The following CRHR1 variants were observed in gnomAD, a reference collection of about 807,000 sequenced individuals.
CRHR1 encodes the protein corticotropin-releasing hormone receptor 1.
CRHR1 carries 28 observed loss-of-function variants against 56.0 expected under a neutral mutation model. That is an observed-to-expected ratio of 0.50 (90% confidence interval 0.37 to 0.69). CRHR1 has a LOEUF of 0.69. CRHR1 is among the 30% of genes least tolerant of loss of function. CRHR1 has a pLI of 0.00. For synonymous variants in CRHR1, 195 were observed against 216.5 expected (o/e 0.90, Z 0.87); for missense variants, 376 against 548.0 (o/e 0.69, Z 3.13).
intron 1 of CRHR1, among the ~76,000 whole-genome samples, chr17:45,793,925 C>T (rs2061471495): frequency 6.6e-6 from 1 of 152,202 alleles, no homozygotes; most frequent in South Asian, 2.1e-4. Flanking sequence ...GGGGCCTGCT[C>T]CCACCAAAGG....
At chr17:45,816,322 C>A in intron 2 of CRHR1, 141 bp from the exon 3 acceptor site, 1 of 1,134,854 alleles carries the variant, frequency 8.8e-7, no homozygotes, top group Non-Finnish European at 1.2e-6. Flanking sequence ...CATTTCTGCA[C>A]TGGTCATTGT....
chr17:45,804,183 G>A (rs766295393), intron 1 of CRHR1, among the ~76,000 whole-genome samples: 30 of 152,166 alleles, frequency 2.0e-4, no homozygotes, highest in Non-Finnish European at 3.8e-4. Flanking sequence ...CATCACTCCT[G>A]AGTCCCAGGC....
rs775867466 is a variant in CRHR1, at chr17:45,833,229, G to GCAGGAGAC, written c.843+20_843+27dup. On this transcript the variant is annotated intron_variant, in intron 9 of 12. Transcript: ENST00000314537. ...CCTGCTGGTAAGAACCTGGGTAGGGGCAGGAGACAGGGCCCAGTGGGGAGG... is the reference window on the plus strand; with the variant it reads ...CCTGCTGGTAAGAACCTGGGTAGGGGCAGGAGACCAGGAGACAGGGCCCAGTGGGGAGG... 1.4e-5 allele frequency: 22 copies of GCAGGAGAC among 1,612,218 alleles called. No individual in the cohort carries two copies. The South Asian group carries it at 2.4e-4, about 18-fold the overall frequency.
In CRHR1 at chr17:45,800,847, G is replaced by C. The variant is rs534178157; in HGVS notation, c.34-6163G>C. 5 of 152,250 alleles carry C rather than the reference G, an allele frequency of 3.3e-5. No homozygotes were observed. The South Asian group carries it at 1.0e-3, about 32-fold the overall frequency. 9.4% of individuals were successfully genotyped at this position (152,250 alleles called of 1,614,324 possible). On this transcript the variant is annotated intron_variant, in intron 1 of 12. Transcript: ENST00000314537. ...TTCCCTGTTCCCCAGGAACTTGTAG[G>C]AACCAGGCCTGAGATGCCTCAGCTG... is the stretch of plus-strand genomic sequence containing the variant.
rs996977311 is a variant in CRHR1, at chr17:45,835,125, C to G, written c.*361C>G. The G allele has an allele frequency of 2.3e-5, 6 of 255,784 alleles. No individual in the cohort carries two copies. Among genetic ancestry groups the G allele is most frequent in the African/African-American group, 1.3e-4 (6 of 45,594 alleles). The allele number at this position is 255,784 out of a possible 1,614,324, so 15.8% of individuals were successfully genotyped here. A position where few individuals can be genotyped will look rare whatever the true frequency, so the allele number is the denominator to read the frequency against. ...GCACAAGAAGGCCAGCCCACTGGGC[C>G]CTGGGGCTGCCCTCGGCAACCGTGG... On this transcript the variant is annotated 3_prime_UTR_variant, in exon 13 of 13. Coordinates refer to ENST00000314537, the MANE Select transcript of CRHR1 (RefSeq NM_004382.5).
chr17:45,822,189 A>G (rs137990076), intron 4 of CRHR1, among the ~76,000 whole-genome samples: 2 of 152,266 alleles, frequency 1.3e-5, no homozygotes, highest in African/African-American at 4.8e-5. Context: ...ATATCAGTAC[A>G]TAAAGAGCAT....
At chr17:45,807,191 A>G (rs2061736539) in intron 2 of CRHR1, 94 bp downstream of exon 2, 1 of 1,165,790 alleles carries the variant, frequency 8.6e-7, no homozygotes, top group Non-Finnish European at 1.3e-6. Context: ...ACCATGCCCT[A>G]AGGCAGGATT....
chr17:45,829,061 C>G (rs2062231792), intron 4 of CRHR1, 154 bp from the exon 5 acceptor site: 1 of 636,618 alleles, frequency 1.6e-6, no homozygotes, highest in African/African-American at 1.8e-5. Flanking sequence ...CGGCGTTGCT[C>G]TGCAGCGAGG....
chr17:45,832,386 G>A (rs892168397), intron 8 of CRHR1, among the ~76,000 whole-genome samples: 2 of 152,218 alleles, frequency 1.3e-5, no homozygotes, highest in Non-Finnish European at 2.9e-5. Flanking sequence ...CCAGAGGCCC[G>A]AGGACTGGAC....
chr17:45,818,714 T>C (rs980440887), intron 3 of CRHR1, among the ~76,000 whole-genome samples: 1 of 152,122 alleles, frequency 6.6e-6, no homozygotes, highest in Non-Finnish European at 1.5e-5. Flanking sequence ...CAGTCACAAG[T>C]GGGTACCCAG....
intron 3 of CRHR1, among the ~76,000 whole-genome samples, chr17:45,818,765 G>A (rs2061978774): frequency 6.6e-6 from 1 of 152,160 alleles, no homozygotes; most frequent in Non-Finnish European, 1.5e-5. Context: ...TCCATTTACT[G>A]ATGAGTTGCT....
chr17:45,821,572 G>A (rs2062042625), intron 4 of CRHR1, 132 bp downstream of exon 4: 1 of 851,418 alleles, frequency 1.2e-6, no homozygotes. Context: ...AGCTGACTGG[G>A]GAGCTGGAGC....
At chr17:45,809,981 ATAAT>A (rs1339637078) in intron 2 of CRHR1, among the ~76,000 whole-genome samples, 1 of 152,208 alleles carries the variant, frequency 6.6e-6, no homozygotes, top group Admixed American at 6.5e-5. Flanking sequence ...GTAGTGAATG[ATAAT>A]TAATAATAGC....
At chr17:45,814,351 G>A (rs746523839) in intron 2 of CRHR1, among the ~76,000 whole-genome samples, 5 of 152,100 alleles carry the variant, frequency 3.3e-5, no homozygotes, top group Non-Finnish European at 7.4e-5. Flanking sequence ...CCCCTTAACT[G>A]TCCCTCACCC....
At position 45,816,551 on chromosome 17, in the gene CRHR1, C is replaced by G. The variant is rs761827423; in HGVS notation, c.210C>G (p.Ala70=). 3.7e-6 allele frequency: 6 copies of G among 1,614,136 alleles called. No individual in the cohort carries two copies. The East Asian group carries it at 1.1e-4, about 30-fold the overall frequency. ...AGCTAGTGGTTCGGCCCTGCCCTGCCTTTTTCTATGGTGTCCGCTACAATA... is the reference window on the plus strand; with the variant it reads ...AGCTAGTGGTTCGGCCCTGCCCTGCGTTTTTCTATGGTGTCCGCTACAATA... The part of the protein sequence containing the change: ...AGQLVVRPCP[A]FFYGVRYNTT... The change falls in exon 3 of 13, where the codon GCC becomes GCG. Residue 70 remains alanine, a synonymous_variant. Transcript: ENST00000314537.
At chr17:45,833,693 T>TGGGCCCCCCCCCCCCCCC in intron 10 of CRHR1, 21 bp from the exon 11 acceptor site, 2 of 1,571,612 alleles carry the variant, frequency 1.3e-6, no homozygotes, top group Non-Finnish European at 1.7e-6. Context: ...ACTCCGAGCC[T>TGGGCCCCCCCCCCCCCCC]CCCCACCCGC....
chr17:45,829,943 G>A, intron 5 of CRHR1, 151 bp from the exon 6 acceptor site: 1 of 1,263,860 alleles, frequency 7.9e-7, no homozygotes, highest in South Asian at 1.4e-5. Flanking sequence ...AGGAGAGCCT[G>A]GCTGTCACCT....
chr17:45,796,161 A>G (rs2061512659), intron 1 of CRHR1, among the ~76,000 whole-genome samples: 1 of 152,130 alleles, frequency 6.6e-6, no homozygotes, highest in African/African-American at 2.4e-5. Context: ...CACAGCTGAT[A>G]GTGTCACCTG....
intron 12 of CRHR1, among the ~76,000 whole-genome samples, chr17:45,834,313 C>T (rs891796030): frequency 6.6e-6 from 1 of 152,234 alleles, no homozygotes; most frequent in Non-Finnish European, 1.5e-5. Context: ...CTGTGAAAAC[C>T]AGGAAGGGCT....
Sources: gnomAD v4.1 joint callset for allele counts (sites outside exome capture counted in the v4.1 genomes callset) on GRCh38, gnomAD v4.1.1 for gene constraint, MANE v1.5 for transcripts, NCBI Gene and HGNC (gene_info 2026-07-23, HGNC 2026-07-21) for gene names.